Variants in STPG2 observed in about 807,000 individuals in gnomAD.
STPG2 encodes the protein sperm tail PG-rich repeat containing 2.
STPG2 carries 56 observed loss-of-function variants against 54.2 expected under a neutral mutation model. The ratio of observed to expected loss-of-function variants is 1.03; its 90% CI spans 0.83 to 1.29. STPG2 has a LOEUF of 1.29. Ranked by LOEUF, STPG2 falls within the 50% of genes most tolerant of loss-of-function variation. The pLI, the probability that STPG2 is intolerant of heterozygous loss-of-function variation, is 0.00. For missense variants in STPG2, 596 were observed against 544.9 expected, an observed-to-expected ratio of 1.09 and a Z score of -0.93; for synonymous variants, 200 against 181.8, an observed-to-expected ratio of 1.10 and a Z score of -0.81.
intron 4 of STPG2, among the ~76,000 whole-genome samples, chr4:97,494,718 GA>G (rs1250778900): frequency 2.0e-5 from 1 of 50,158 alleles, no homozygotes; most frequent in Non-Finnish European, 3.7e-5. Context: ...TTTGCGGAAG[GA>G]GTAAGGATTT....
intron 4 of STPG2, among the ~76,000 whole-genome samples, chr4:97,533,714 TAA>T (rs1395100645): frequency 2.0e-5 from 3 of 152,134 alleles, no homozygotes; most frequent in African/African-American, 7.2e-5. Flanking sequence ...CATGTATCAA[TAA>T]GTTCTTTTTA....
chr4:97,906,184 A>G (rs1462342620), intron 8 of STPG2, among the ~76,000 whole-genome samples: 1 of 152,224 alleles, frequency 6.6e-6, no homozygotes, highest in Non-Finnish European at 1.5e-5. Context: ...TAAAGGGGAT[A>G]TCACCACCGA....
intron 5 of STPG2, among the ~76,000 whole-genome samples, chr4:98,053,049 G>A (rs534709217): frequency 6.6e-6 from 1 of 152,216 alleles, no homozygotes; most frequent in African/African-American, 2.4e-5. Flanking sequence ...TGAAACATTA[G>A]AAAACAGTAG....
chr4:97,886,961 G>A (rs543537396), intron 8 of STPG2, among the ~76,000 whole-genome samples: 1 of 152,252 alleles, frequency 6.6e-6, no homozygotes, highest in African/African-American at 2.4e-5. Flanking sequence ...CACCACATAA[G>A]GTAAGCCAGC....
intron 8 of STPG2, among the ~76,000 whole-genome samples, chr4:97,870,611 A>C (rs1215568781): frequency 6.6e-6 from 1 of 151,432 alleles, no homozygotes; most frequent in Non-Finnish European, 1.5e-5. Flanking sequence ...AAGGCAATCT[A>C]CTATGAAGAT....
chr4:97,499,578 T>G (rs995118812), intron 4 of STPG2, among the ~76,000 whole-genome samples: 1 of 152,008 alleles, frequency 6.6e-6, no homozygotes, highest in Non-Finnish European at 1.5e-5. Context: ...AATATTCTTA[T>G]AGGATATCAT....
At chr4:97,459,336 A>G (rs903477720) in intron 4 of STPG2, among the ~76,000 whole-genome samples, 2 of 152,052 alleles carry the variant, frequency 1.3e-5, no homozygotes, top group African/African-American at 4.8e-5. Flanking sequence ...CAAGTGGTCA[A>G]CTTCTCTTTC....
intron 10 of STPG2, among the ~76,000 whole-genome samples, chr4:97,573,100 C>T (rs1732640388): frequency 1.3e-5 from 2 of 151,952 alleles, no homozygotes; most frequent in Non-Finnish European, 1.5e-5. Flanking sequence ...AGCCTAAATA[C>T]GATATGCATT....
chr4:97,845,322 T>A (rs1490227234), intron 8 of STPG2, among the ~76,000 whole-genome samples: 1 of 152,094 alleles, frequency 6.6e-6, no homozygotes, highest in Admixed American at 6.6e-5. Flanking sequence ...GTCCTTATTT[T>A]CATTTCTGAA....
chr4:97,485,040 A>G (rs1054222565), intron 4 of STPG2, among the ~76,000 whole-genome samples: 1 of 151,884 alleles, frequency 6.6e-6, no homozygotes, highest in African/African-American at 2.4e-5. Flanking sequence ...CAAAATCAGC[A>G]TACAAGGGAC....
chr4:97,925,951 T>A (rs1432676662), intron 8 of STPG2, among the ~76,000 whole-genome samples: 2 of 152,164 alleles, frequency 1.3e-5, no homozygotes, highest in Non-Finnish European at 2.9e-5. Flanking sequence ...ACGGTGGCAT[T>A]TCCTGTATCA....
At chr4:97,798,274 T>A (rs1727268960) in intron 9 of STPG2, among the ~76,000 whole-genome samples, 1 of 152,216 alleles carries the variant, frequency 6.6e-6, no homozygotes, top group Admixed American at 6.5e-5. Context: ...ATTGTGATGT[T>A]AGGGTGTCAA....
chr4:97,791,350 C>A (rs111870898), intron 9 of STPG2, among the ~76,000 whole-genome samples: 2,778 of 152,176 alleles, frequency 0.018, 76 homozygotes, highest in African/African-American at 0.063. Flanking sequence ...CCATGCTGAA[C>A]AATGAATTTC....
At chr4:97,933,361 A>C (rs1012891953) in intron 8 of STPG2, among the ~76,000 whole-genome samples, 8 of 152,124 alleles carry the variant, frequency 5.3e-5, no homozygotes, top group Admixed American at 4.6e-4. Flanking sequence ...GAAGCTCTTT[A>C]GTTTAATTAG....
intron 8 of STPG2, among the ~76,000 whole-genome samples, chr4:97,931,088 T>C (rs1732529101): frequency 6.6e-6 from 1 of 152,192 alleles, no homozygotes; most frequent in Non-Finnish European, 1.5e-5. Context: ...TTTGGGCCAA[T>C]ACTATGGGAT....
At chr4:98,015,354 T>C (rs1232243108) in intron 5 of STPG2, among the ~76,000 whole-genome samples, 1 of 152,002 alleles carries the variant, frequency 6.6e-6, no homozygotes, top group African/African-American at 2.4e-5. Flanking sequence ...TTTAAACAAA[T>C]TTACAAGAAA....
At chr4:97,533,686 G>T (rs973387371) in intron 4 of STPG2, among the ~76,000 whole-genome samples, 1 of 152,002 alleles carries the variant, frequency 6.6e-6, no homozygotes, top group Non-Finnish European at 1.5e-5. Context: ...AAATTTTTGA[G>T]ATTTTTCCAT....
At chr4:98,058,799 A>G (rs1329704863) in intron 5 of STPG2, among the ~76,000 whole-genome samples, 1 of 152,152 alleles carries the variant, frequency 6.6e-6, no homozygotes, top group Non-Finnish European at 1.5e-5. Context: ...TCTAAAATTG[A>G]CCATATCATT....
intron 8 of STPG2, among the ~76,000 whole-genome samples, chr4:97,942,844 C>G (rs1444372860): frequency 6.6e-6 from 1 of 152,094 alleles, no homozygotes; most frequent in Non-Finnish European, 1.5e-5. Flanking sequence ...TTTAATAATC[C>G]TGTTTTGAAA....
Sources: gnomAD v4.1 joint callset for allele counts (sites outside exome capture counted in the v4.1 genomes callset) on GRCh38, gnomAD v4.1.1 for gene constraint, MANE v1.5 for transcripts, NCBI Gene and HGNC (gene_info 2026-07-23, HGNC 2026-07-21) for gene names.